Variants in IL17RD observed in about 807,000 individuals in gnomAD.
The protein encoded by IL17RD is interleukin 17 receptor D.
IL17RD carries 52 observed loss-of-function variants against 80.5 expected under a neutral mutation model. The ratio of observed to expected loss-of-function variants is 0.65; its 90% confidence interval spans 0.52 to 0.81. IL17RD has a LOEUF of 0.81. IL17RD is among the 40% of genes least tolerant of loss of function. The pLI is 0.00. For synonymous variants in IL17RD, 416 were observed against 391.8 expected (o/e 1.06, Z -0.73); for missense variants, 1,024 against 955.1 (o/e 1.07, Z -0.95).
Position 57,103,104 on chromosome 3 carries a change from A to C in IL17RD, c.855T>G (p.Tyr285Ter). 1 of 1,601,520 alleles carries C rather than the reference A, an allele frequency of 6.2e-7. No individual in the cohort carries two copies. Among genetic ancestry groups the C allele is most frequent in the Non-Finnish European group, 8.5e-7 (1 of 1,173,322 alleles). Residue 285 changes from tyrosine (Y) to a stop codon, truncating the protein, a stop_gained, in exon 9 of 13, where the codon TAT becomes TAG. Coordinates refer to ENST00000296318, the MANE Select transcript of IL17RD (RefSeq NM_017563.5). LOFTEE classifies it high-confidence loss of function. ...AAAAGCACCTACCTGGCTTTAAGGCATAATGCATCACTTTTCTTGTTGTGT... is the reference window on the plus strand; with the variant it reads ...AAAAGCACCTACCTGGCTTTAAGGCCTAATGCATCACTTTTCTTGTTGTGT... ...DTNTTRKVMH[Y>*]ALKPVHSPWA...
intron 1 of IL17RD, among the ~76,000 whole-genome samples, chr3:57,140,062 G>C (rs1707800928): frequency 6.6e-6 from 1 of 152,008 alleles, no homozygotes. Context: ...TCACTGTCAG[G>C]CTTCTGCATA....
At chr3:57,140,732 G>A (rs1487312215) in intron 1 of IL17RD, among the ~76,000 whole-genome samples, 1 of 152,126 alleles carries the variant, frequency 6.6e-6, no homozygotes, top group Non-Finnish European at 1.5e-5. Flanking sequence ...CTGAGATGAG[G>A]TCTACTCTGG....
intron 1 of IL17RD, among the ~76,000 whole-genome samples, chr3:57,143,654 A>G (rs1299535574): frequency 6.6e-6 from 1 of 152,188 alleles, no homozygotes; most frequent in African/African-American, 2.4e-5. Flanking sequence ...AAAGCCCTCA[A>G]TGTGTGTGAG....
intron 1 of IL17RD, chr3:57,134,106 C>T (rs1707669611): frequency 3.7e-6 from 2 of 535,878 alleles, no homozygotes; most frequent in Non-Finnish European, 6.9e-6. Context: ...AATCGGGGAG[C>T]TCATTGCTTT....
At chr3:57,122,349 T>C (rs1707358605) in intron 1 of IL17RD, among the ~76,000 whole-genome samples, 1 of 152,212 alleles carries the variant, frequency 6.6e-6, no homozygotes, top group African/African-American at 2.4e-5. Flanking sequence ...GGATGCCCGA[T>C]GGCAAACCAC....
chr3:57,136,259 A>T (rs1485130008), intron 1 of IL17RD, among the ~76,000 whole-genome samples: 2 of 152,196 alleles, frequency 1.3e-5, no homozygotes, highest in Non-Finnish European at 2.9e-5. Context: ...ACTGGTAAAA[A>T]ACGGTAAATT....
intron 5 of IL17RD, among the ~76,000 whole-genome samples, chr3:57,107,443 A>T (rs936635814): frequency 6.6e-6 from 1 of 152,162 alleles, no homozygotes. Flanking sequence ...AACAACCACA[A>T]TAAGAATTCT....
At position 57,096,017 on chromosome 3, in the gene IL17RD, T is replaced by C. The variant is rs539388032; in HGVS notation, c.*376A>G. ...AAGCATTTCAAATCAAGGTAGCCAA[T>C]AGCAAACAGGCAAAGTTTGCAGAGC... is the stretch of plus-strand genomic sequence containing the variant. On this transcript the variant is annotated 3_prime_UTR_variant, in exon 13 of 13. Coordinates refer to ENST00000296318, the MANE Select transcript of IL17RD (RefSeq NM_017563.5). 14 of 178,312 alleles carry C rather than the reference T, an allele frequency of 7.9e-5. No individual in the cohort carries two copies. The South Asian group carries it at 1.1e-3, about 15-fold the overall frequency. The allele number at this position is 178,312 out of a possible 1,614,324, so 11.0% of individuals were successfully genotyped here. A position where few individuals can be genotyped will look rare whatever the true frequency, so the allele number is the denominator to read the frequency against.
At chr3:57,134,314 G>T in intron 1 of IL17RD, 1 of 685,100 alleles carries the variant, frequency 1.5e-6, no homozygotes. Context: ...TTCCATTCCC[G>T]GGCTTGATGC....
chr3:57,105,552 A>AAAAAAAAAAAAAAATATAT, intron 7 of IL17RD, among the ~76,000 whole-genome samples: 65 of 63,586 alleles, frequency 1.0e-3, no homozygotes, highest in Non-Finnish European at 1.3e-3. Context: ...AAAAAAAAAA[A>AAAAAAAAAAAAAAATATAT]ATATATATAT....
At chr3:57,165,418 C>A, upstream of IL17RD, 1 of 705,220 alleles carries the variant, frequency 1.4e-6, no homozygotes, top group Admixed American at 5.2e-5. Context: ...GTTGCCAGCC[C>A]GGGCCCCGCC....
chr3:57,119,843 T>C (rs1707296196), intron 2 of IL17RD, among the ~76,000 whole-genome samples: 1 of 152,214 alleles, frequency 6.6e-6, no homozygotes, highest in Non-Finnish European at 1.5e-5. Flanking sequence ...ATGGCCACCA[T>C]ATTTGGAATT....
intron 2 of IL17RD, among the ~76,000 whole-genome samples, chr3:57,119,884 T>A (rs545145611): frequency 1.2e-4 from 19 of 152,360 alleles, no homozygotes; most frequent in African/African-American, 4.3e-4. Context: ...AGACTAGACA[T>A]GAGCTATCCA....
Position 57,165,183 on chromosome 3 carries a change from C to A in IL17RD, c.104G>T (p.Gly35Val). 1 of 1,527,796 alleles carries A rather than the reference C, an allele frequency of 6.5e-7. No homozygotes were observed. The highest frequency in any genetic ancestry group is 2.6e-5 in the East Asian group (1 of 38,598). The allele number at this position is 1,527,796 out of a possible 1,614,324, so 94.6% of individuals were successfully genotyped here. A position where few individuals can be genotyped will look rare whatever the true frequency, so the allele number is the denominator to read the frequency against. ...TACCCTCCAGCCACAGGTGTCGGCG[C>A]CCCGCGCGCGGCCGGACCCGCCAGC... Reference protein sequence around the residue: ...VAAGGSGRARGADTCGWRGVG... With the variant: ...VAAGGSGRARVADTCGWRGVG... Residue 35 changes from glycine (G) to valine (V), a missense_variant, in exon 1 of 13, where the codon GGC becomes GTC. Transcript: ENST00000296318.
chr3:57,165,317 C>G lies in IL17RD; in HGVS notation c.-31G>C. On this transcript the variant is annotated 5_prime_UTR_variant, in exon 1 of 13. Coordinates refer to ENST00000296318, the MANE Select transcript of IL17RD (RefSeq NM_017563.5). ...TGCGCTCGCCCAGCCAGGCCGTTCT[C>G]TGCGCCCCGGCCGCCCGCCGCTGGC... The G allele has an allele frequency of 7.5e-7, 1 of 1,339,810 alleles. No individual in the cohort carries two copies. The highest frequency in any genetic ancestry group is 9.6e-7 in the Non-Finnish European group (1 of 1,041,338). 83.0% of individuals were successfully genotyped at this position (1,339,810 alleles called of 1,614,324 possible).
At chr3:57,147,456 T>C (rs1707955733) in intron 1 of IL17RD, among the ~76,000 whole-genome samples, 1 of 152,204 alleles carries the variant, frequency 6.6e-6, no homozygotes, top group African/African-American at 2.4e-5. Flanking sequence ...GGTTCAGTCA[T>C]TATACAGGAC....
At chr3:57,127,359 AATATAAATATATATAT>A (rs1304138635) in intron 1 of IL17RD, among the ~76,000 whole-genome samples, 4 of 74,030 alleles carry the variant, frequency 5.4e-5, no homozygotes, top group African/African-American at 2.8e-4. Flanking sequence ...AATATATATA[AATATAAATATATATAT>A]ATAAATAAAT....
At position 57,127,189 on chromosome 3, in the gene IL17RD, TATATATATAA is replaced by T. The variant is rs1406918407; in HGVS notation, c.127-6886_127-6877del. 4.9e-3 allele frequency among the ~76,000 whole-genome samples: 557 copies of T among 112,558 alleles called. 35 individuals are homozygous for T. Among genetic ancestry groups the T allele is most frequent in the African/African-American group, 0.022 (518 of 23,932 alleles). 73.8% of individuals were successfully genotyped at this position (112,558 alleles called of 152,430 possible). A position where few individuals can be genotyped will look rare whatever the true frequency, so the allele number is the denominator to read the frequency against. On this transcript the variant is annotated intron_variant, in intron 1 of 12. Transcript: ENST00000296318. ...TAAAACTAAGGCCAACTCATATATA[TATATATATAA>T]ATATATATAAAAATATATATAAATA...
chr3:57,146,177 T>C (rs1707926716), intron 1 of IL17RD, among the ~76,000 whole-genome samples: 1 of 152,240 alleles, frequency 6.6e-6, no homozygotes, highest in Non-Finnish European at 1.5e-5. Context: ...CATAATATGC[T>C]GGTAAGTCAG....
Sources: allele counts gnomAD v4.1 joint callset (sites outside exome capture counted in the v4.1 genomes callset), GRCh38; gene constraint gnomAD v4.1.1; transcripts MANE v1.5; gene names NCBI Gene and HGNC (gene_info 2026-07-23, HGNC 2026-07-21).